The following TMEM117 variants were observed in gnomAD, a reference collection of about 807,000 sequenced individuals.
TMEM117 encodes the protein transmembrane protein 117.
A neutral mutation model predicts 52.4 loss-of-function variants in TMEM117; 27 were observed. That is an observed-to-expected ratio of 0.51 (90% confidence interval 0.38 to 0.71). The LOEUF is 0.71. Among genes scored for constraint, TMEM117 ranks in the 30% least tolerant of loss-of-function variants. The pLI is 0.00. For missense variants in TMEM117, 556 were observed against 630.5 expected (o/e 0.88, Z 1.26); for synonymous variants, 215 against 206.3 (o/e 1.04, Z -0.36).
chr12:44,078,531 T>C (rs1383725573), intron 3 of TMEM117, among the ~76,000 whole-genome samples: 1 of 152,246 alleles, frequency 6.6e-6, no homozygotes, highest in East Asian at 1.9e-4. Context: ...AGTGCACGAT[T>C]GGATGAACCA....
chr12:44,050,396 C>T (rs1438459367), intron 3 of TMEM117, among the ~76,000 whole-genome samples: 1 of 152,124 alleles, frequency 6.6e-6, no homozygotes, highest in African/African-American at 2.4e-5. Context: ...AGGCTGGTCT[C>T]GAACGCCTGA....
At chr12:43,853,656 A>AGG (rs1457090295) in intron 2 of TMEM117, among the ~76,000 whole-genome samples, 2 of 152,340 alleles carry the variant, frequency 1.3e-5, no homozygotes, top group East Asian at 3.9e-4. Flanking sequence ...TCTGATCTCA[A>AGG]GGAATTTAAA....
At chr12:44,078,030 A>G (rs1249109086) in intron 3 of TMEM117, among the ~76,000 whole-genome samples, 1 of 152,206 alleles carries the variant, frequency 6.6e-6, no homozygotes, top group Non-Finnish European at 1.5e-5. Context: ...AAGAAATGCA[A>G]AAAACCAAAG....
rs2638848 is a variant in TMEM117 at position 44,059,041 on chromosome 12, A to G, written c.411-84484A>G. The stretch of plus-strand genomic sequence containing the variant: ...GCATTAGTTAGATTCTCATAGGAGC[A>G]TGCAACCTAGATTGCTCACATGCAC... On this transcript the variant is annotated intron_variant, in intron 3 of 7. Transcript: ENST00000266534. Among the ~76,000 whole-genome samples, 955 of 152,276 alleles carry G rather than the reference A, an allele frequency of 6.3e-3. 7 individuals carry two copies. The highest frequency in any genetic ancestry group is 0.022 in the African/African-American group (926 of 41,560).
rs572577767 is a variant in TMEM117, at chr12:44,328,566, A to C, written c.768+28827A>C. Among the ~76,000 whole-genome samples the C allele has an allele frequency of 1.6e-3, 240 of 152,306 alleles. 3 individuals carry two copies. Among genetic ancestry groups the C allele is most frequent in the African/African-American group, 5.4e-3 (223 of 41,580 alleles). ...TCAGCCACAGCAGCAAATTCTAGCCAGACAAAGCACGTGTTACAATCACTG... is the reference window on the plus strand; with the variant it reads ...TCAGCCACAGCAGCAAATTCTAGCCCGACAAAGCACGTGTTACAATCACTG... On this transcript the variant is annotated intron_variant, in intron 6 of 7. Coordinates refer to ENST00000266534, the MANE Select transcript of TMEM117 (RefSeq NM_032256.3).
At chr12:43,912,743 G>T (rs1394022750) in intron 2 of TMEM117, among the ~76,000 whole-genome samples, 1 of 151,482 alleles carries the variant, frequency 6.6e-6, no homozygotes, top group Non-Finnish European at 1.5e-5. Flanking sequence ...TTTTCCATGT[G>T]ATTTTCAATT....
the TMEM117 span, chr12:43,802,579 C>A: frequency 1.3e-6 from 1 of 781,902 alleles, no homozygotes; most frequent in Non-Finnish European, 2.0e-6. Flanking sequence ...TTATTCACAT[C>A]AAAAAGTTGA....
At chr12:44,252,491 G>A (rs924588710) in intron 5 of TMEM117, among the ~76,000 whole-genome samples, 4 of 152,136 alleles carry the variant, frequency 2.6e-5, no homozygotes, top group African/African-American at 9.7e-5. Context: ...GTCACAGAGT[G>A]AGACTCTGTC....
chr12:44,237,721 A>T (rs1221260691), intron 5 of TMEM117, among the ~76,000 whole-genome samples: 7 of 148,620 alleles, frequency 4.7e-5, no homozygotes, highest in Non-Finnish European at 9.0e-5. Context: ...TGTCTCAATT[A>T]AAAAAAAAAC....
At chr12:43,939,812 A>T (rs146470448) in intron 2 of TMEM117, among the ~76,000 whole-genome samples, 3 of 152,332 alleles carry the variant, frequency 2.0e-5, no homozygotes, top group African/African-American at 7.2e-5. Flanking sequence ...TGGGTAATTT[A>T]TAAAGGAAAG....
At chr12:44,343,500 A>G (rs1025457996) in intron 6 of TMEM117, among the ~76,000 whole-genome samples, 4 of 152,130 alleles carry the variant, frequency 2.6e-5, no homozygotes, top group Non-Finnish European at 2.9e-5. Context: ...CTTTTATGAG[A>G]TACCTAGAGT....
At chr12:43,952,308 G>T (rs780008950) in intron 3 of TMEM117, among the ~76,000 whole-genome samples, 3 of 152,142 alleles carry the variant, frequency 2.0e-5, no homozygotes, top group Admixed American at 6.5e-5. Context: ...ACTGACAGAA[G>T]TAGGCTTTAG....
rs1047394263 is a variant in TMEM117 at position 44,369,822 on chromosome 12, A to G, written c.769-6773A>G. On this transcript the variant is annotated intron_variant, in intron 6 of 7. Coordinates refer to ENST00000266534, the MANE Select transcript of TMEM117 (RefSeq NM_032256.3). ...ACAGATTTTAAATTCTTTAAATAGC[A>G]TAAGTTCCTCCTGAGAGAAAACTCC... 2.6e-5 allele frequency among the ~76,000 whole-genome samples: 4 copies of G among 152,222 alleles called. No homozygotes were observed. In the South Asian group the frequency reaches 6.2e-4, roughly 24 times the overall value.
chr12:44,360,880 A>G (rs1951712308), intron 6 of TMEM117, among the ~76,000 whole-genome samples: 1 of 152,154 alleles, frequency 6.6e-6, no homozygotes, highest in Admixed American at 6.5e-5. Flanking sequence ...TTGCAAATTG[A>G]CTGAAGTTAA....
the TMEM117 span, chr12:43,797,333 A>G: frequency 6.3e-7 from 1 of 1,597,666 alleles, no homozygotes; most frequent in Admixed American, 1.7e-5. Flanking sequence ...CTTCATGGGA[A>G]TGTTTATACA....
At chr12:44,009,736 A>G (rs184066058) in intron 3 of TMEM117, 50 of 259,492 alleles carry the variant, frequency 1.9e-4, no homozygotes, top group African/African-American at 1.0e-3. Flanking sequence ...CTGTGACCTT[A>G]TTCTTTGTTT....
At chr12:44,188,447 T>C (rs1291033028) in intron 4 of TMEM117, among the ~76,000 whole-genome samples, 1 of 152,168 alleles carries the variant, frequency 6.6e-6, no homozygotes, top group Non-Finnish European at 1.5e-5. Context: ...CTAGAGTAAG[T>C]CAGCCCTAAC....
chr12:44,122,868 A>T (rs1379111680), intron 3 of TMEM117, among the ~76,000 whole-genome samples: 1 of 152,168 alleles, frequency 6.6e-6, no homozygotes, highest in Non-Finnish European at 1.5e-5. Flanking sequence ...TGCTGCAGTG[A>T]ACATATGTGC....
chr12:44,231,115 C>G (rs2138451970), intron 5 of TMEM117, among the ~76,000 whole-genome samples: 1 of 152,014 alleles, frequency 6.6e-6, no homozygotes, highest in South Asian at 2.1e-4. Flanking sequence ...TATCCCCTTT[C>G]TTCCACTCCA....
Sources: gnomAD v4.1 joint callset for allele counts (sites outside exome capture counted in the v4.1 genomes callset) on GRCh38, gnomAD v4.1.1 for gene constraint, MANE v1.5 for transcripts, NCBI Gene and HGNC (gene_info 2026-07-23, HGNC 2026-07-21) for gene names.